The following DIS3 variants were observed in gnomAD, a reference collection of about 807,000 sequenced individuals.
The protein encoded by DIS3 is exosome complex exonuclease RRP44.
Under a neutral mutation model 113.0 loss-of-function variants are expected in DIS3, and 103 were observed. That is an observed-to-expected ratio of 0.91 (90% CI 0.78 to 1.07). The LOEUF is 1.07. DIS3 is among the 50% of genes least tolerant of loss of function. The probability of loss-of-function intolerance (pLI) is 0.00; values close to 1 mark genes in which losing one functional copy is unlikely to be tolerated. For missense variants in DIS3, 1,121 were observed against 1,167.1 expected (o/e 0.96, Z 0.58); for synonymous variants, 402 against 394.3 (o/e 1.02, Z -0.23).
chr13:72,773,618 A>G, intron 8 of DIS3, 66 bp downstream of exon 8: 1 of 1,503,294 alleles, frequency 6.7e-7, no homozygotes, highest in South Asian at 1.3e-5. Context: ...TTTTATTAAA[A>G]GCAGAAATAC....
intron 16 of DIS3, 67 bp downstream of exon 16, chr13:72,763,384 T>C: frequency 6.8e-7 from 1 of 1,476,366 alleles, no homozygotes; most frequent in Non-Finnish European, 9.1e-7. Flanking sequence ...AATATGAATA[T>C]AAATTATTTA....
Position 72,753,591 on chromosome 13 carries a change from A to G in DIS3, c.*6204T>C. 1 of 1,239,248 alleles carries G rather than the reference A, an allele frequency of 8.1e-7. No individual in the cohort carries two copies. The highest frequency in any genetic ancestry group is 1.1e-6 in the Non-Finnish European group (1 of 885,324). 76.8% of individuals were successfully genotyped at this position (1,239,248 alleles called of 1,614,324 possible). On this transcript the variant is annotated 3_prime_UTR_variant, in exon 21 of 21. Coordinates refer to ENST00000377767, the MANE Select transcript of DIS3 (RefSeq NM_014953.5). ...ATGATCAATATTACATGTTAGGATC[A>G]TTCAGATGTAGTGAATGAGAGTTTA...
chr13:72,771,987 T>A (rs113855437), intron 10 of DIS3, 91 bp from the exon 11 acceptor site: 2 of 1,417,418 alleles, frequency 1.4e-6, no homozygotes, highest in African/African-American at 1.4e-5. Context: ...TAGCTAAATT[T>A]AAAAAAGACT....
chr13:72,772,211 G>C lies in DIS3; in HGVS notation c.1451C>G (p.Thr484Ser). The part of the protein sequence containing the change: ...CICSVDPPGC[T>S]DIDDALHCRE... The stretch of plus-strand genomic sequence containing the variant: ...ACAATGTAGAGCATCGTCTATATCA[G>C]TACATCCTGGTGGGTCTACACTACA... The change falls in exon 10 of 21, where the codon ACT (threonine) becomes AGT (serine). Residue 484 changes from threonine (T) to serine (S), a missense_variant. Transcript: ENST00000377767. 2 of 1,613,486 alleles carry C rather than the reference G, an allele frequency of 1.2e-6. No homozygotes were observed. Among genetic ancestry groups the C allele is most frequent in the Non-Finnish European group, 1.7e-6 (2 of 1,179,878 alleles).
At position 72,761,963 on chromosome 13, in the gene DIS3, C is replaced by T; in HGVS notation, c.2302G>A (p.Ala768Thr). 1 of 1,614,124 alleles carries T rather than the reference C, an allele frequency of 6.2e-7. No individual in the cohort carries two copies. The highest frequency in any genetic ancestry group is 1.1e-5 in the South Asian group (1 of 91,084). ...GTAAAATGTGTGTATATTGGAGACG[C>T]TAAGCCATAGTGATGAAAATCATTA... is the stretch of plus-strand genomic sequence containing the variant. Reference protein sequence around the residue: ...MDNDFHHYGLASPIYTHFTSP... With the variant: ...MDNDFHHYGLTSPIYTHFTSP... Residue 768 changes from alanine (A) to threonine (T), a missense_variant, in exon 17 of 21, where the codon GCG becomes ACG. Ala to Thr is a moderately conservative substitution (Grantham distance 58). Coordinates refer to ENST00000377767, the MANE Select transcript of DIS3 (RefSeq NM_014953.5).
chr13:72,781,110 A>G (rs2138252659), intron 1 of DIS3, 107 bp from the exon 2 acceptor site: 1 of 1,366,586 alleles, frequency 7.3e-7, no homozygotes, highest in East Asian at 2.5e-5. Flanking sequence ...TTTTAAAAAC[A>G]CTGAATAAGT....
Position 72,753,886 on chromosome 13 carries a change from A to G in DIS3, c.*5909T>C. On this transcript the variant is annotated 3_prime_UTR_variant, in exon 21 of 21. Transcript: ENST00000377767. ...TTAGAAATATAAAATAATTTTGATTATTAGACAATAGTACTATTGAGAAAC... is the reference window on the plus strand; with the variant it reads ...TTAGAAATATAAAATAATTTTGATTGTTAGACAATAGTACTATTGAGAAAC... The G allele has an allele frequency of 7.0e-7, 1 of 1,437,212 alleles. No individual in the cohort carries two copies. The highest frequency in any genetic ancestry group is 9.5e-7 in the Non-Finnish European group (1 of 1,049,730). The allele number at this position is 1,437,212 out of a possible 1,614,324, so 89.0% of individuals were successfully genotyped here.
intron 8 of DIS3, among the ~76,000 whole-genome samples, chr13:72,773,377 G>C (rs561260821): frequency 3.9e-5 from 6 of 152,168 alleles, no homozygotes; most frequent in African/African-American, 1.2e-4. Context: ...CACAAGAATC[G>C]CTTGAACCTG....
At position 72,781,722 on chromosome 13, in the gene DIS3, T is replaced by C. The variant is rs751522925; in HGVS notation, c.111A>G (p.Ala37=). The C allele has an allele frequency of 2.5e-6, 4 of 1,579,724 alleles. No homozygotes were observed. The East Asian group carries it at 7.0e-5, about 28-fold the overall frequency. Residue 37 remains alanine, a synonymous_variant, in exon 1 of 21, where the codon GCA becomes GCG. Coordinates refer to ENST00000377767, the MANE Select transcript of DIS3 (RefSeq NM_014953.5). Reference sequence around the variant, plus strand: ...GCCCCTCGTGCGCCCCTCCACACGCTGCGCACCCGGGCGCACCGCAGCCGA... The same window carrying C: ...GCCCCTCGTGCGCCCCTCCACACGCCGCGCACCCGGGCGCACCGCAGCCGA... ...DDIGCGAPGC[A]ACGGAHEGPA... is the part of the protein sequence containing the mutation.
At chr13:72,769,979 A>C (rs1362392461) in intron 13 of DIS3, among the ~76,000 whole-genome samples, 1 of 152,220 alleles carries the variant, frequency 6.6e-6, no homozygotes, top group Non-Finnish European at 1.5e-5. Flanking sequence ...GAAAAGGACA[A>C]GAAAGATAAC....
At chr13:72,780,488 CCT>C (rs1376145707) in intron 2 of DIS3, among the ~76,000 whole-genome samples, 2 of 151,714 alleles carry the variant, frequency 1.3e-5, no homozygotes, top group Non-Finnish European at 2.9e-5. Context: ...ATTTTATTAC[CCT>C]CTGTTAGTTG....
At chr13:72,772,497 C>G (rs996972140) in intron 9 of DIS3, among the ~76,000 whole-genome samples, 196 bp downstream of exon 9, 2 of 152,152 alleles carry the variant, frequency 1.3e-5, no homozygotes, top group Non-Finnish European at 2.9e-5. Flanking sequence ...ATGAAAGTGT[C>G]TGCCACATAG....
chr13:72,768,027 G>T (rs576500834), intron 14 of DIS3, among the ~76,000 whole-genome samples: 1 of 152,250 alleles, frequency 6.6e-6, no homozygotes, highest in East Asian at 1.9e-4. Context: ...AAAAGACTCA[G>T]ATCTGTTACT....
At chr13:72,766,976 CT>C in intron 14 of DIS3, among the ~76,000 whole-genome samples, 1 of 152,042 alleles carries the variant, frequency 6.6e-6, no homozygotes, top group South Asian at 2.1e-4. Context: ...AAAAATATTC[CT>C]TTCTTGCCTT....
rs183766528 is a variant in DIS3 at position 72,764,607 on chromosome 13, A to G, written c.1971-1000T>C. On this transcript the variant is annotated intron_variant, in intron 15 of 20. Coordinates refer to ENST00000377767, the MANE Select transcript of DIS3 (RefSeq NM_014953.5). ...TACTGCTGTGATTCTCTATATAGTT[A>G]TTCACATACATTTTTCGGTTAGTTT... Among the ~76,000 whole-genome samples the G allele has an allele frequency of 9.2e-5, 14 of 152,346 alleles. No individual in the cohort carries two copies. In the East Asian group the frequency reaches 1.4e-3, roughly 15 times the overall value.
rs370018736 is a variant in DIS3 at position 72,771,906 on chromosome 13, A to G, written c.1504-10T>C. 16 of 1,610,198 alleles carry G rather than the reference A, an allele frequency of 9.9e-6. No individual in the cohort carries two copies. In the African/African-American group the frequency reaches 1.6e-4, roughly 16 times the overall value. On this transcript the variant is annotated splice_polypyrimidine_tract_variant and intron_variant, in intron 10 of 20. Coordinates refer to ENST00000377767, the MANE Select transcript of DIS3 (RefSeq NM_014953.5). Reference sequence around the variant, plus strand: ...CAATATGAACACCAACCTTAAAAAGATAAAAATAAAAGGATGTCAATATGC... The same window carrying G: ...CAATATGAACACCAACCTTAAAAAGGTAAAAATAAAAGGATGTCAATATGC...
chr13:72,772,539 ACTT>A (rs760026176), intron 9 of DIS3, among the ~76,000 whole-genome samples, 151 bp downstream of exon 9: 75 of 152,326 alleles, frequency 4.9e-4, no homozygotes, highest in Middle Eastern at 3.4e-3. Context: ...GAAGCAAATG[ACTT>A]CTTCTATAAT....
rs2033600305 is a variant in DIS3, at chr13:72,760,633, C to T, written c.2689G>A (p.Glu897Lys). The T allele has an allele frequency of 6.2e-7, 1 of 1,612,472 alleles. No homozygotes were observed. The highest frequency in any genetic ancestry group is 8.5e-7 in the Non-Finnish European group (1 of 1,179,126). Residue 897 changes from glutamate (E) to lysine (K), a missense_variant, in exon 20 of 21, where the codon GAA becomes AAA. Physicochemically the swap from Glu to Lys is moderately conservative, Grantham distance 56. Coordinates refer to ENST00000377767, the MANE Select transcript of DIS3 (RefSeq NM_014953.5). The stretch of plus-strand genomic sequence containing the variant: ...TCAAATACATGGAACACTGTATCTT[C>T]TATTTTAAGTGAGGGTATCTAAACA... ...YDDEIPSLKI[E>K]DTVFHVFDKV...
At chr13:72,768,984 T>A (rs558744897) in intron 13 of DIS3, 72 bp from the exon 14 acceptor site, 1 of 951,036 alleles carries the variant, frequency 1.1e-6, no homozygotes, top group African/African-American at 1.7e-5. Context: ...GTCCTCCTAC[T>A]TTCACTACAT....
Sources: allele counts gnomAD v4.1 joint callset (sites outside exome capture counted in the v4.1 genomes callset), GRCh38; gene constraint gnomAD v4.1.1; transcripts MANE v1.5; gene names NCBI Gene and HGNC (gene_info 2026-07-23, HGNC 2026-07-21).